Variants in MCCC2 observed in about 807,000 individuals in gnomAD.
MCCC2 encodes methylcrotonyl-CoA carboxylase subunit 2.
In MCCC2, 52 loss-of-function variants were observed where a neutral mutation model predicts 77.2. That is an observed-to-expected ratio of 0.67 (90% CI 0.54 to 0.85). The LOEUF (loss-of-function observed/expected upper bound fraction) is 0.85. MCCC2 is among the 40% of genes least tolerant of loss of function. The pLI is 0.00. For synonymous variants in MCCC2, 253 were observed against 248.4 expected, an observed-to-expected ratio of 1.02 and a Z score of -0.18; for missense variants, 682 against 703.2, an observed-to-expected ratio of 0.97 and a Z score of 0.34.
chr5:71,646,061 CT>C, intron 12 of MCCC2, 149 bp from the exon 13 acceptor site: 3 of 471,680 alleles, frequency 6.4e-6, no homozygotes, highest in Non-Finnish European at 1.1e-5. Flanking sequence ...GACCATGTTT[CT>C]TTAAAAAAAA....
chr5:71,604,739 A>G (rs1340867714), intron 6 of MCCC2, among the ~76,000 whole-genome samples: 2 of 106,944 alleles, frequency 1.9e-5, no homozygotes, highest in South Asian at 6.2e-4. Flanking sequence ...CGCTCCCCCC[A>G]CCCCACCACA....
At chr5:71,601,710 A>G (rs1745442339) in intron 4 of MCCC2, among the ~76,000 whole-genome samples, 1 of 152,216 alleles carries the variant, frequency 6.6e-6, no homozygotes, top group Admixed American at 6.5e-5. Context: ...AGGTAACACA[A>G]ACATCAGAAA....
chr5:71,658,451 A>C lies in MCCC2; in HGVS notation c.*1591A>C, dbSNP rs1388895100. On this transcript the variant is annotated 3_prime_UTR_variant, in exon 17 of 17. Coordinates refer to ENST00000340941, the MANE Select transcript of MCCC2 (RefSeq NM_022132.5). ...TAAAACACTATCTACTTCCTTTGTC[A>C]TAAACTCATCATTTTCCTATAAACA... 3 of 152,182 alleles carry C rather than the reference A, an allele frequency of 2.0e-5. No individual in the cohort carries two copies. The highest frequency in any genetic ancestry group is 1.5e-5 in the Non-Finnish European group (1 of 68,032). 9.4% of individuals were successfully genotyped at this position (152,182 alleles called of 1,614,324 possible).
intron 6 of MCCC2, among the ~76,000 whole-genome samples, chr5:71,613,680 G>A (rs1202174117): frequency 6.6e-6 from 1 of 152,052 alleles, no homozygotes; most frequent in Admixed American, 6.6e-5. Flanking sequence ...AAGCTTCAGT[G>A]AGCCATGATT....
In MCCC2 at chr5:71,635,241, C is replaced by T. The variant is rs727504010; in HGVS notation, c.994C>T (p.Arg332Ter). The change falls in exon 10 of 17, where the codon CGA (arginine) becomes TGA (stop). Residue 332 changes from arginine (R) to a stop codon, truncating the protein, a stop_gained. Coordinates refer to ENST00000340941, the MANE Select transcript of MCCC2 (RefSeq NM_022132.5). LOFTEE classifies it high-confidence loss of function. ...GANLKRSFDV[R>*]EVIARIVDGS... ...TAACCTTAAGAGGAGCTTTGATGTC[C>T]GAGAGGTATGTGAAAGTGGAACTGT... 2.4e-5 allele frequency: 38 copies of T among 1,613,586 alleles called. No individual in the cohort carries two copies. The South Asian group carries it at 2.6e-4, about 11-fold the overall frequency.
At chr5:71,598,077 T>C (rs1252530333) in intron 3 of MCCC2, among the ~76,000 whole-genome samples, 3 of 148,894 alleles carry the variant, frequency 2.0e-5, no homozygotes, top group Non-Finnish European at 4.4e-5. Flanking sequence ...GTTTCTTTTT[T>C]TTTTTTTTTT....
At chr5:71,634,061 T>G (rs1468126340) in intron 8 of MCCC2, among the ~76,000 whole-genome samples, 2 of 152,202 alleles carry the variant, frequency 1.3e-5, no homozygotes, top group Non-Finnish European at 2.9e-5. Context: ...AGGAGTTTGG[T>G]GTTTTCCCAG....
chr5:71,603,401 G>C (rs1230450072), intron 5 of MCCC2, among the ~76,000 whole-genome samples: 3 of 113,882 alleles, frequency 2.6e-5, no homozygotes, highest in Non-Finnish European at 3.4e-5. Context: ...GGGCGACAGA[G>C]AGAGAGACTG....
intron 10 of MCCC2, among the ~76,000 whole-genome samples, chr5:71,637,466 T>A (rs1469553094): frequency 6.6e-6 from 1 of 152,234 alleles, no homozygotes; most frequent in East Asian, 1.9e-4. Flanking sequence ...TACATTAATT[T>A]AAAAATACCT....
intron 13 of MCCC2, 63 bp downstream of exon 13, chr5:71,646,340 C>A: frequency 2.0e-6 from 3 of 1,471,792 alleles, no homozygotes; most frequent in Non-Finnish European, 2.8e-6. Flanking sequence ...CAGTGTGGCT[C>A]ATGTATTGGA....
chr5:71,627,531 C>T (rs282357), intron 7 of MCCC2, among the ~76,000 whole-genome samples: 51,951 of 152,034 alleles, frequency 0.34, 9,999 homozygotes, highest in East Asian at 0.54. Context: ...TGAATAACGG[C>T]GCTTTGAATG....
At chr5:71,633,123 A>ATT (rs1391065508) in intron 8 of MCCC2, among the ~76,000 whole-genome samples, 2 of 31,798 alleles carry the variant, frequency 6.3e-5, no homozygotes, top group Non-Finnish European at 6.9e-5. Context: ...ATATATATAT[A>ATT]TATATATATT....
intron 6 of MCCC2, among the ~76,000 whole-genome samples, chr5:71,615,442 G>A (rs866884564): frequency 6.6e-6 from 1 of 151,984 alleles, no homozygotes; most frequent in East Asian, 1.9e-4. Context: ...TGCCACTGGG[G>A]TGCCCTTATT....
chr5:71,650,118 G>A lies in MCCC2; in HGVS notation c.1423G>A (p.Gly475Arg), dbSNP rs148773718. Residue 475 changes from glycine (G) to arginine (R), a missense_variant, in exon 15 of 17, where the codon GGA (glycine) becomes AGA (arginine). Physicochemically the swap from Gly to Arg is moderately radical, Grantham distance 125. Transcript: ENST00000340941. The stretch of plus-strand genomic sequence containing the variant: ...AAATGCTCGTATCTCAGTGATGGGA[G>A]GAGAGCAGGCAGCCAATGTGTTGGC... ...WPNARISVMGGEQAANVLATI... is the reference protein window; with the variant it reads ...WPNARISVMGREQAANVLATI... The A allele has an allele frequency of 8.4e-5, 136 of 1,614,088 alleles. No individual in the cohort carries two copies. Among genetic ancestry groups the A allele is most frequent in the Admixed American group, 3.3e-4 (20 of 59,996 alleles).
chr5:71,597,689 C>T (rs1580275070), intron 3 of MCCC2, among the ~76,000 whole-genome samples: 1 of 152,192 alleles, frequency 6.6e-6, no homozygotes, highest in Non-Finnish European at 1.5e-5. Context: ...CACGTGCACA[C>T]ACATCCAACC....
intron 6 of MCCC2, among the ~76,000 whole-genome samples, chr5:71,611,996 G>C (rs1245436348): frequency 6.6e-6 from 1 of 151,974 alleles, no homozygotes; most frequent in African/African-American, 2.4e-5. Context: ...CACCACATTA[G>C]CCAGGATGGT....
At chr5:71,637,060 T>TA (rs1169592831) in intron 10 of MCCC2, among the ~76,000 whole-genome samples, 3 of 151,940 alleles carry the variant, frequency 2.0e-5, no homozygotes, top group East Asian at 1.9e-4. Context: ...TACATTCTTT[T>TA]AAAAAAAATG....
rs1016366360 is a variant in MCCC2, at chr5:71,602,495, C to T, written c.384-11C>T. The T allele has an allele frequency of 6.2e-7, 1 of 1,613,976 alleles. No homozygotes were observed. Among genetic ancestry groups the T allele is most frequent in the African/African-American group, 1.3e-5 (1 of 74,914 alleles). On this transcript the variant is annotated splice_polypyrimidine_tract_variant and intron_variant, in intron 4 of 16. Coordinates refer to ENST00000340941, the MANE Select transcript of MCCC2 (RefSeq NM_022132.5). ...TTAAATTCTCTCTCCAATGAAATTT[C>T]TGCCTTTCAGAGTAGAATGCATGAT...
intron 15 of MCCC2, 50 bp downstream of exon 15, chr5:71,650,233 A>G: frequency 6.5e-7 from 1 of 1,530,208 alleles, no homozygotes; most frequent in Non-Finnish European, 9.1e-7. Flanking sequence ...CTCACCATAA[A>G]CACCCTGGAG....
Sources: gnomAD v4.1 joint callset for allele counts (sites outside exome capture counted in the v4.1 genomes callset) on GRCh38, gnomAD v4.1.1 for gene constraint, MANE v1.5 for transcripts, NCBI Gene and HGNC (gene_info 2026-07-23, HGNC 2026-07-21) for gene names.